The following VPS37D variants were observed in gnomAD, a reference collection of about 807,000 sequenced individuals.
VPS37D encodes VPS37D subunit of ESCRT-I.
A neutral mutation model predicts 22.0 loss-of-function variants in VPS37D; 5 were observed. The ratio of observed to expected loss-of-function variants is 0.23; its 90% CI spans 0.12 to 0.48. The LOEUF is 0.48. Ranked by LOEUF, VPS37D falls within the 20% of genes least tolerant of loss-of-function variation. The probability of loss-of-function intolerance (pLI) is 0.99; values close to 1 mark genes in which losing one functional copy is unlikely to be tolerated. For synonymous variants in VPS37D, 174 were observed against 159.3 expected (o/e 1.09, Z -0.69); for missense variants, 384 against 345.8 (o/e 1.11, Z -0.88).
chr7:73,671,221 A>G lies in VPS37D; in HGVS notation c.601A>G (p.Thr201Ala). The G allele has an allele frequency of 6.4e-7, 1 of 1,565,660 alleles. No individual in the cohort carries two copies. Among genetic ancestry groups the G allele is most frequent in the Non-Finnish European group, 8.6e-7 (1 of 1,157,618 alleles). The change falls in exon 4 of 4, where the codon ACT becomes GCT. Residue 201 changes from threonine to alanine, a missense_variant. Transcript: ENST00000324941. ...KSFPAAAVLPTGAARGPPAVP... is the reference protein window; with the variant it reads ...KSFPAAAVLPAGAARGPPAVP... ...CTTCCCGGCTGCAGCTGTCCTGCCC[A>G]CTGGGGCCGCCCGGGGGCCACCAGC...
In VPS37D at chr7:73,671,246, C is replaced by T; in HGVS notation, c.626C>T (p.Ala209Val). 1 of 1,534,884 alleles carries T rather than the reference C, an allele frequency of 6.5e-7. No homozygotes were observed. Among genetic ancestry groups the T allele is most frequent in the East Asian group, 2.4e-5 (1 of 42,122 alleles). ...ACTGGGGCCGCCCGGGGGCCACCAGCAGTGCCCCGGAGCCTGCCCCCCTTG... is the reference window on the plus strand; with the variant it reads ...ACTGGGGCCGCCCGGGGGCCACCAGTAGTGCCCCGGAGCCTGCCCCCCTTG... ...LPTGAARGPP[A>V]VPRSLPPLDS... The change falls in exon 4 of 4, where the codon GCA (alanine) becomes GTA (valine). Residue 209 changes from alanine to valine, a missense_variant. Physicochemically the swap from Ala to Val is moderately conservative, Grantham distance 64. Coordinates refer to ENST00000324941, the MANE Select transcript of VPS37D (RefSeq NM_001077621.2).
Position 73,668,001 on chromosome 7 carries a change from A to G in VPS37D, c.43A>G (p.Ser15Gly). ...RAARAGPEPG[S>G]PGRFGILSTG... ...GGCGCGGGCGGGGCCGGAGCCCGGC[A>G]GCCCGGGGCGCTTTGGGATCCTCAG... is the stretch of plus-strand genomic sequence containing the variant. The change falls in exon 1 of 4, where the codon AGC becomes GGC. Residue 15 changes from serine to glycine, a missense_variant. Ser to Gly is a moderately conservative substitution (Grantham distance 56). Coordinates refer to ENST00000324941, the MANE Select transcript of VPS37D (RefSeq NM_001077621.2). 2.7e-6 allele frequency: 3 copies of G among 1,111,702 alleles called. No individual in the cohort carries two copies. Among genetic ancestry groups the G allele is most frequent in the Non-Finnish European group, 3.3e-6 (3 of 906,576 alleles). The allele number at this position is 1,111,702 out of a possible 1,614,324, so 68.9% of individuals were successfully genotyped here.
chr7:73,666,973 CT>C (rs71082248), upstream of VPS37D, among the ~76,000 whole-genome samples: 376 of 130,000 alleles, frequency 2.9e-3, 1 homozygote, highest in Admixed American at 5.2e-3. Flanking sequence ...TCTTTTCACT[CT>C]TTTTTTTTTT....
chr7:73,669,005 G>C (rs1206226959), intron 1 of VPS37D, among the ~76,000 whole-genome samples: 5 of 152,052 alleles, frequency 3.3e-5, no homozygotes, highest in Admixed American at 2.6e-4. Flanking sequence ...AACAGACAAA[G>C]GCCTGGAGTG....
At chr7:73,669,376 GCAGATCC>G in intron 1 of VPS37D, 36 bp from the exon 2 acceptor site, 1 of 1,512,578 alleles carries the variant, frequency 6.6e-7, no homozygotes, top group African/African-American at 1.4e-5. Flanking sequence ...GGTGGACAGG[GCAGATCC>G]CCTGAGCGGG....
chr7:73,669,981 C>T, intron 2 of VPS37D, 39 bp from the exon 3 acceptor site: 1 of 1,551,408 alleles, frequency 6.4e-7, no homozygotes, highest in South Asian at 1.2e-5. Context: ...AGCCCGGGGC[C>T]CTGGCCTGTC....
chr7:73,667,485 C>G (rs896180291), upstream of VPS37D, among the ~76,000 whole-genome samples: 14 of 152,116 alleles, frequency 9.2e-5, 1 homozygote, highest in African/African-American at 2.2e-4. Flanking sequence ...AAAACTGAGG[C>G]TTGGGGAGGG....
At chr7:73,667,829 G>A, upstream of VPS37D, 1 of 214,920 alleles carries the variant, frequency 4.7e-6, no homozygotes, top group South Asian at 1.5e-4. Flanking sequence ...CCCCCTGGCG[G>A]CGGAGCGGTG....
upstream of VPS37D, among the ~76,000 whole-genome samples, chr7:73,666,063 C>T (rs541925566): frequency 1.3e-5 from 2 of 152,276 alleles, no homozygotes; most frequent in South Asian, 2.1e-4. Context: ...TTGTGTTGCC[C>T]AGGCTGGGTC....
chr7:73,670,588 G>A (rs1194272835), intron 3 of VPS37D, among the ~76,000 whole-genome samples: 5 of 152,040 alleles, frequency 3.3e-5, no homozygotes, highest in African/African-American at 9.7e-5. Context: ...CGGGCGGATC[G>A]CCTGAGGTCA....
chr7:73,669,104 A>T (rs1797447238), intron 1 of VPS37D, among the ~76,000 whole-genome samples: 1 of 152,194 alleles, frequency 6.6e-6, no homozygotes. Context: ...TTGAAAAATT[A>T]AAAATTAACT....
intron 2 of VPS37D, 132 bp from the exon 3 acceptor site, chr7:73,669,888 G>C: frequency 6.9e-7 from 1 of 1,458,990 alleles, no homozygotes; most frequent in Non-Finnish European, 9.2e-7. Context: ...CGGTCACATG[G>C]GCACGGTACA....
In VPS37D at chr7:73,672,002, C is replaced by T. The variant is rs1164849129; in HGVS notation, c.*626C>T. 1 of 152,314 alleles carries T rather than the reference C, an allele frequency of 6.6e-6. No individual in the cohort carries two copies. Among genetic ancestry groups the T allele is most frequent in the Non-Finnish European group, 1.5e-5 (1 of 68,140 alleles). 9.4% of individuals were successfully genotyped at this position (152,314 alleles called of 1,614,324 possible). On this transcript the variant is annotated 3_prime_UTR_variant, in exon 4 of 4. Transcript: ENST00000324941. ...GAAAGACCATTCTGTATTTTTCTGT[C>T]CCTGTCTCCTTAGAATGGAAGCTTT... is the stretch of plus-strand genomic sequence containing the variant.
At chr7:73,666,468 G>A (rs1334473306), upstream of VPS37D, among the ~76,000 whole-genome samples, 1 of 151,358 alleles carries the variant, frequency 6.6e-6, no homozygotes, top group Non-Finnish European at 1.5e-5. Flanking sequence ...AGTCTCTGTC[G>A]CCCAGGCTGG....
chr7:73,669,356 G>GGGGCAGTAGGGTGGACA, intron 1 of VPS37D, 63 bp from the exon 2 acceptor site: 1 of 1,469,014 alleles, frequency 6.8e-7, no homozygotes, highest in South Asian at 1.3e-5. Flanking sequence ...TAGGGTGGAC[G>GGGGCAGTAGGGTGGACA]GGGCAGTAGG....
At chr7:73,669,898 A>G in intron 2 of VPS37D, 122 bp from the exon 3 acceptor site, 1 of 1,498,624 alleles carries the variant, frequency 6.7e-7, no homozygotes, top group Non-Finnish European at 9.0e-7. Context: ...GGCACGGTAC[A>G]GATGAGGAAA....
intron 3 of VPS37D, among the ~76,000 whole-genome samples, chr7:73,670,457 C>A (rs1416726586): frequency 2.6e-5 from 4 of 152,148 alleles, no homozygotes; most frequent in African/African-American, 9.7e-5. Flanking sequence ...CACATATGTC[C>A]CTGCCTCTGC....
intron 1 of VPS37D, 22 bp downstream of exon 1, chr7:73,668,118 G>A (rs1380576369): frequency 3.7e-6 from 4 of 1,083,450 alleles, no homozygotes; most frequent in Middle Eastern, 6.0e-4. Context: ...GGCTCGAGCG[G>A]GGGGCGCGGG....
At position 73,669,522 on chromosome 7, in the gene VPS37D, C is replaced by A; in HGVS notation, c.242C>A (p.Ala81Asp). The change falls in exon 2 of 4, where the codon GCC becomes GAC. Residue 81 changes from alanine to aspartate, a missense_variant. Physicochemically the swap from Ala to Asp is moderately radical, Grantham distance 126. Transcript: ENST00000324941. ...CCCCGCCTGGAGATGGGCCGGGCTG[C>A]CCTGGCCATCAAATACCAGGAGCTT... is the stretch of plus-strand genomic sequence containing the variant. ...LRPRLEMGRA[A>D]LAIKYQELRE... 1 of 1,585,216 alleles carries A rather than the reference C, an allele frequency of 6.3e-7. No homozygotes were observed. The highest frequency in any genetic ancestry group is 8.6e-7 in the Non-Finnish European group (1 of 1,166,026).
Sources: allele counts gnomAD v4.1 joint callset (sites outside exome capture counted in the v4.1 genomes callset), GRCh38; gene constraint gnomAD v4.1.1; transcripts MANE v1.5; gene names NCBI Gene and HGNC (gene_info 2026-07-23, HGNC 2026-07-21).